PTPRG: variants seen among roughly 807,000 people sequenced by gnomAD.
PTPRG encodes the protein protein tyrosine phosphatase receptor type G.
A neutral mutation model predicts 165.3 loss-of-function variants in PTPRG; 102 were observed. The observed-to-expected ratio is 0.62, with a 90% CI of 0.53 to 0.73. The LOEUF is 0.73. Among genes scored for constraint, PTPRG ranks in the 30% least tolerant of loss-of-function variants. The pLI is 0.00. For synonymous variants in PTPRG, 675 were observed against 669.5 expected (o/e 1.01, Z -0.13); for missense variants, 1,866 against 1,861.4 (o/e 1.00, Z -0.05).
chr3:62,245,798 G>A lies in PTPRG; in HGVS notation c.2467+1900G>A, dbSNP rs1329263080. On this transcript the variant is annotated intron_variant, in intron 15 of 29. Transcript: ENST00000474889. This position sits in a 1 kb window ranked among gnomAD's most constrained non-coding sequence, Gnocchi z 4.2. ...TAATCCCAGCAGTCATGGAGAGAGA[G>A]CATTTGCATGACTCTCATGTTAAAA... 1.3e-5 allele frequency among the ~76,000 whole-genome samples: 2 copies of A among 152,076 alleles called. No individual in the cohort carries two copies. The highest frequency in any genetic ancestry group is 2.9e-5 in the Non-Finnish European group (2 of 67,992).
At chr3:61,713,453 G>A (rs1689848386) in intron 1 of PTPRG, among the ~76,000 whole-genome samples, 1 of 151,732 alleles carries the variant, frequency 6.6e-6, no homozygotes, top group African/African-American at 2.4e-5. Flanking sequence ...TTACAGGCAT[G>A]AGCCACTGCA....
intron 6 of PTPRG, among the ~76,000 whole-genome samples, chr3:62,151,372 C>T (rs1704330555): frequency 6.6e-6 from 1 of 152,072 alleles, no homozygotes; most frequent in South Asian, 2.1e-4. Flanking sequence ...TTCATATTGT[C>T]ATTCAAAATG....
intron 2 of PTPRG, among the ~76,000 whole-genome samples, chr3:61,926,086 A>G (rs1265558986): frequency 1.3e-5 from 2 of 152,204 alleles, no homozygotes; most frequent in African/African-American, 2.4e-5. Flanking sequence ...ATTCACAGAC[A>G]CAGTAAAGTT....
chr3:61,914,375 C>T (rs2107546719), intron 2 of PTPRG, among the ~76,000 whole-genome samples: 1 of 152,306 alleles, frequency 6.6e-6, no homozygotes, highest in Non-Finnish European at 1.5e-5. Context: ...TGAATTTCTG[C>T]TCCCTGCTCA....
chr3:62,121,113 T>C (rs1464872288), intron 5 of PTPRG, among the ~76,000 whole-genome samples: 1 of 148,304 alleles, frequency 6.7e-6, no homozygotes, highest in African/African-American at 2.5e-5. Context: ...CTGGCTAATT[T>C]TTTTTTTTTT....
At chr3:61,570,578 G>A (rs1286155674) in intron 1 of PTPRG, among the ~76,000 whole-genome samples, 5 of 152,090 alleles carry the variant, frequency 3.3e-5, no homozygotes, top group Admixed American at 6.5e-5. Flanking sequence ...ACATCTAAGA[G>A]GTATTTGAGT....
At chr3:61,693,701 G>A (rs1176491835) in intron 1 of PTPRG, among the ~76,000 whole-genome samples, 1 of 152,114 alleles carries the variant, frequency 6.6e-6, no homozygotes, top group African/African-American at 2.4e-5. Flanking sequence ...GTGTGGAGAG[G>A]AATTAAGAGA....
intron 2 of PTPRG, among the ~76,000 whole-genome samples, chr3:61,826,188 G>C (rs532263845): frequency 1.3e-5 from 2 of 152,244 alleles, no homozygotes; most frequent in South Asian, 4.1e-4. Context: ...GAAGCCTCCT[G>C]ATTTGTTTCT....
intron 1 of PTPRG, among the ~76,000 whole-genome samples, chr3:61,638,598 T>G (rs939322571): frequency 1.4e-5 from 2 of 138,818 alleles, no homozygotes; most frequent in Non-Finnish European, 3.2e-5. Flanking sequence ...CTAGTTTTTT[T>G]TTTTTTTTTT....
chr3:61,978,757 A>C (rs1006751581), intron 2 of PTPRG, among the ~76,000 whole-genome samples: 1 of 152,194 alleles, frequency 6.6e-6, no homozygotes, highest in Non-Finnish European at 1.5e-5. Context: ...CTCTTTTAAA[A>C]CTACTCAAAT....
intron 2 of PTPRG, among the ~76,000 whole-genome samples, chr3:61,981,571 G>A (rs2040645012): frequency 1.3e-5 from 2 of 152,174 alleles, no homozygotes; most frequent in Non-Finnish European, 2.9e-5. Flanking sequence ...GCCAATTACT[G>A]TTGGACATGC....
chr3:61,714,966 A>G (rs1005409998), intron 1 of PTPRG, among the ~76,000 whole-genome samples: 5 of 152,176 alleles, frequency 3.3e-5, no homozygotes, highest in African/African-American at 7.2e-5. Flanking sequence ...ACAAACAGCA[A>G]TCAAATTTGA....
intron 2 of PTPRG, among the ~76,000 whole-genome samples, chr3:61,786,786 A>C (rs1243617257): frequency 2.0e-5 from 3 of 152,186 alleles, no homozygotes; most frequent in African/African-American, 7.2e-5. Flanking sequence ...TGATTACATC[A>C]TGTAGATTTA....
At chr3:62,021,553 A>T (rs905210358) in intron 4 of PTPRG, among the ~76,000 whole-genome samples, 1 of 152,182 alleles carries the variant, frequency 6.6e-6, no homozygotes, top group Admixed American at 6.5e-5. Context: ...TGATGTACTT[A>T]TGGGCTAGAA....
rs1187008638 is a variant in PTPRG at position 62,267,491 on chromosome 3, A to G, written c.2738A>G (p.Asp913Gly). The G allele has an allele frequency of 6.2e-7, 1 of 1,606,440 alleles. No homozygotes were observed. The highest frequency in any genetic ancestry group is 1.7e-5 in the Admixed American group (1 of 59,538). The stretch of plus-strand genomic sequence containing the variant: ...GACTACATTAATGCAAACTATGTTG[A>G]TGTAAGTCAGAACTGTTATTATAAA... ...HSDYINANYV[D>G]GYNKAKAYIA... Residue 913 changes from aspartate to glycine, a missense_variant and splice_region_variant, in exon 18 of 30, where the codon GAT becomes GGT. Coordinates refer to ENST00000474889, the MANE Select transcript of PTPRG (RefSeq NM_002841.4).
At chr3:61,921,208 T>A (rs889216371) in intron 2 of PTPRG, among the ~76,000 whole-genome samples, 1 of 151,926 alleles carries the variant, frequency 6.6e-6, no homozygotes, top group African/African-American at 2.4e-5. Context: ...AGATTACTAT[T>A]TAGCTTTAGG....
At chr3:61,977,093 CCTGAGATTTTAATA>C (rs1366724370) in intron 2 of PTPRG, among the ~76,000 whole-genome samples, 1 of 151,960 alleles carries the variant, frequency 6.6e-6, no homozygotes, top group East Asian at 1.9e-4. Context: ...CCCCCTAGTC[CCTGAGATTTTAATA>C]CCACAGATAG....
chr3:61,675,538 AAC>A (rs548963008), intron 1 of PTPRG, among the ~76,000 whole-genome samples: 133 of 152,308 alleles, frequency 8.7e-4, no homozygotes, highest in Non-Finnish European at 1.7e-3. Context: ...TTTCTAGGTA[AAC>A]AGTCTTTTTT....
chr3:62,078,081 T>G (rs1294002661), intron 4 of PTPRG, 82 bp from the exon 5 acceptor site: 1 of 879,572 alleles, frequency 1.1e-6, no homozygotes, highest in Non-Finnish European at 1.8e-6. Context: ...AACTGGGGAA[T>G]ATACATTTAT....
Sources: gnomAD v4.1 joint callset for allele counts (sites outside exome capture counted in the v4.1 genomes callset) on GRCh38, gnomAD v4.1.1 for gene constraint, Gnocchi (gnomAD v3.1) non-coding constraint, MANE v1.5 for transcripts, NCBI Gene and HGNC (gene_info 2026-07-23, HGNC 2026-07-21) for gene names.